TACC2: variants seen among roughly 807,000 people sequenced by gnomAD.
TACC2 encodes transforming acidic coiled-coil-containing protein 2.
A neutral mutation model predicts 227.3 loss-of-function variants in TACC2; 137 were observed. The observed-to-expected ratio is 0.60, with a 90% CI of 0.52 to 0.69. The LOEUF (loss-of-function observed/expected upper bound fraction) is 0.69, where lower values mean the gene tolerates loss of function less well. Ranked by LOEUF, TACC2 falls within the 30% of genes least tolerant of loss-of-function variation. The pLI is 0.00. For missense variants in TACC2, 3,470 were observed against 3,694.4 expected, an observed-to-expected ratio of 0.94 and a Z score of 1.57; for synonymous variants, 1,523 against 1,487.5, an observed-to-expected ratio of 1.02 and a Z score of -0.55.
intron 3 of TACC2, among the ~76,000 whole-genome samples, chr10:122,062,983 C>CTG (rs2077001687): frequency 6.6e-6 from 1 of 152,110 alleles, no homozygotes; most frequent in Non-Finnish European, 1.5e-5. Context: ...TGTTCTAGGT[C>CTG]ACACAGACAG....
Position 122,187,274 on chromosome 10 carries a change from C to T in TACC2, c.5835-7766C>T, listed in dbSNP as rs114031946. Among the ~76,000 whole-genome samples the T allele has an allele frequency of 6.0e-3, 918 of 152,212 alleles. 13 individuals are homozygous for T. Among genetic ancestry groups the T allele is most frequent in the African/African-American group, 0.021 (867 of 41,518 alleles). On this transcript the variant is annotated intron_variant, in intron 7 of 22. Coordinates refer to ENST00000369005, the MANE Select transcript of TACC2 (RefSeq NM_206862.4). ...TTGGCCCTGGACCTGGTTGTGTGCC[C>T]CTTGAGGGGAGGATGAAGTTGACCT...
intron 5 of TACC2, among the ~76,000 whole-genome samples, chr10:122,090,752 GTATT>G (rs1394562005): frequency 6.6e-6 from 1 of 151,380 alleles, no homozygotes; most frequent in Non-Finnish European, 1.5e-5. Flanking sequence ...ATTTATTCAT[GTATT>G]TATTTATTTT....
intron 7 of TACC2, among the ~76,000 whole-genome samples, chr10:122,161,825 G>C (rs2092830093): frequency 6.6e-6 from 1 of 152,242 alleles, no homozygotes. Flanking sequence ...CAAAACAGTA[G>C]TAGCCCAGGT....
rs779703622 is a variant in TACC2 at position 122,253,971 on chromosome 10, T to C, written c.8782-20T>C. On this transcript the variant is annotated intron_variant, in intron 22 of 22. Coordinates refer to ENST00000369005, the MANE Select transcript of TACC2 (RefSeq NM_206862.4). ...CCAGATTTCAAACATCAGCAACTTC[T>C]TCCTTGTCTTCACTTGCAGAATAAA... 1.9e-6 allele frequency: 3 copies of C among 1,612,094 alleles called. No homozygotes were observed. The South Asian group carries it at 3.3e-5, about 18-fold the overall frequency.
At chr10:122,015,131 A>AT (rs1956422208) in intron 1 of TACC2, among the ~76,000 whole-genome samples, 2 of 151,588 alleles carry the variant, frequency 1.3e-5, no homozygotes, top group Non-Finnish European at 2.9e-5. Flanking sequence ...AGGACAAAAC[A>AT]TATCTCATAG....
intron 5 of TACC2, among the ~76,000 whole-genome samples, chr10:122,123,664 A>G (rs1231861007): frequency 6.6e-6 from 1 of 152,126 alleles, no homozygotes; most frequent in East Asian, 1.9e-4. Context: ...TTGCTGACTT[A>G]TGACAGCCTT....
chr10:122,048,848 T>C (rs2075351867), intron 2 of TACC2, among the ~76,000 whole-genome samples: 1 of 152,224 alleles, frequency 6.6e-6, no homozygotes, highest in African/African-American at 2.4e-5. Context: ...TCTTCAAATG[T>C]GTGTTCCATG....
In TACC2 at chr10:122,083,693, A is replaced by T. The variant is rs1050664023; in HGVS notation, c.1193A>T (p.Glu398Val). 2 of 1,612,984 alleles carry T rather than the reference A, an allele frequency of 1.2e-6. No homozygotes were observed. The highest frequency in any genetic ancestry group is 1.3e-5 in the African/African-American group (1 of 74,932). Residue 398 changes from glutamate (E) to valine (V), a missense_variant, in exon 4 of 23, where the codon GAA (glutamate) becomes GTA (valine). This residue lies in a region of TACC2 where 1,924 missense variants were observed against 1,978.3 expected (regional missense o/e 0.97). Transcript: ENST00000369005. ...TGTGTGGCAGCAGGCGGCCAGCCCG[A>T]AGGGGGTTTGCCTGTGAGCCCTGAA... is the stretch of plus-strand genomic sequence containing the variant. ...VVCVAAGGQP[E>V]GGLPVSPEPS... is the part of the protein sequence containing the mutation.
intron 3 of TACC2, among the ~76,000 whole-genome samples, chr10:122,057,670 A>AG (rs2076344800): frequency 6.6e-6 from 1 of 150,658 alleles, no homozygotes. Flanking sequence ...ATTAAAAAAA[A>AG]TTAGCCAGGC....
At chr10:122,135,608 G>T (rs1288918053) in intron 6 of TACC2, among the ~76,000 whole-genome samples, 2 of 152,204 alleles carry the variant, frequency 1.3e-5, no homozygotes, top group African/African-American at 4.8e-5. Flanking sequence ...TAATACCAAG[G>T]ATTGGTCTGA....
At chr10:122,143,972 AGATG>A (rs2091035995) in intron 7 of TACC2, among the ~76,000 whole-genome samples, 1 of 152,226 alleles carries the variant, frequency 6.6e-6, no homozygotes, top group South Asian at 2.1e-4. Context: ...TAGGATGGAT[AGATG>A]GATGGATGAT....
rs886895560 is a variant in TACC2 at position 122,022,005 on chromosome 10, G to A, written c.24G>A (p.Ser8=). Residue 8 remains serine (S), a synonymous_variant, in exon 2 of 23, where the codon TCG becomes TCA. Coordinates refer to ENST00000369005, the MANE Select transcript of TACC2 (RefSeq NM_206862.4). MGNENST[S]DNQRTLSAQT... Reference sequence around the variant, plus strand: ...ACATGGGCAATGAGAACAGCACCTCGGACAACCAGGTGGGTGTCAGGAAGC... The same window carrying A: ...ACATGGGCAATGAGAACAGCACCTCAGACAACCAGGTGGGTGTCAGGAAGC... 9.3e-6 allele frequency: 15 copies of A among 1,614,066 alleles called. No homozygotes were observed. The highest frequency in any genetic ancestry group is 1.7e-4 in the Middle Eastern group (1 of 6,060).
intron 2 of TACC2, among the ~76,000 whole-genome samples, chr10:122,026,618 C>T (rs1200923942): frequency 6.6e-6 from 1 of 152,148 alleles, no homozygotes; most frequent in Non-Finnish European, 1.5e-5. Context: ...ATCCTCTGGA[C>T]TCCACCTACT....
intron 5 of TACC2, chr10:122,088,858 T>G: frequency 9.4e-7 from 1 of 1,066,994 alleles, no homozygotes; most frequent in Non-Finnish European, 1.3e-6. Context: ...CGGTGGCTCA[T>G]GCCTGTAATC....
chr10:122,203,727 A>G (rs369130872), intron 8 of TACC2, among the ~76,000 whole-genome samples: 18,482 of 150,340 alleles, frequency 0.12, 2,890 homozygotes, highest in African/African-American at 0.36. Flanking sequence ...GCGGCCAGGC[A>G]GAGACGCTCC....
intron 7 of TACC2, among the ~76,000 whole-genome samples, chr10:122,153,654 C>T (rs2092268926): frequency 1.3e-5 from 2 of 152,224 alleles, no homozygotes; most frequent in Admixed American, 1.3e-4. Context: ...ATGTATTGAG[C>T]ACTTGCTGTA....
At chr10:122,102,874 T>C (rs781370836) in intron 5 of TACC2, among the ~76,000 whole-genome samples, 2 of 152,186 alleles carry the variant, frequency 1.3e-5, no homozygotes, top group Non-Finnish European at 2.9e-5. Flanking sequence ...TCCTTGTGTA[T>C]ATTTTGGGTT....
At chr10:122,249,207 T>A in intron 21 of TACC2, 51 bp downstream of exon 21, 1 of 1,416,988 alleles carries the variant, frequency 7.1e-7, no homozygotes, top group East Asian at 2.3e-5. Flanking sequence ...AGCAGCCCTT[T>A]TACCCAGGCA....
At chr10:122,238,065 T>A (rs750312650) in intron 18 of TACC2, 28 bp downstream of exon 18, 2 of 1,581,412 alleles carry the variant, frequency 1.3e-6, no homozygotes, top group Non-Finnish European at 1.7e-6. Flanking sequence ...GCCTTCCTCG[T>A]GCCTGAGGGA....
Sources: allele counts gnomAD v4.1 joint callset (sites outside exome capture counted in the v4.1 genomes callset), GRCh38; gene constraint gnomAD v4.1.1; regional missense constraint gnomAD v4.1.1; transcripts MANE v1.5; gene names NCBI Gene and HGNC (gene_info 2026-07-23, HGNC 2026-07-21).